Variants in PSMA1 observed in about 807,000 individuals in gnomAD.
PSMA1 encodes the protein proteasome 20S subunit alpha 1.
Under a neutral mutation model 38.4 loss-of-function variants are expected in PSMA1, and 3 were observed. The observed-to-expected ratio is 0.08, with a 90% CI of 0.04 to 0.20. The LOEUF is 0.20. Among genes scored for constraint, PSMA1 ranks in the 10% least tolerant of loss-of-function variants. PSMA1 has a pLI of 1.00. For synonymous variants in PSMA1, 101 were observed against 107.1 expected (o/e 0.94, Z 0.35); for missense variants, 227 against 325.3 (o/e 0.70, Z 2.32).
At chr11:14,529,347 A>G (rs1265395664) in intron 2 of PSMA1, among the ~76,000 whole-genome samples, 1 of 152,226 alleles carries the variant, frequency 6.6e-6, no homozygotes, top group Non-Finnish European at 1.5e-5. Flanking sequence ...ATGTTAAAAC[A>G]CACCTGGTGG....
intron 2 of PSMA1, among the ~76,000 whole-genome samples, chr11:14,530,757 C>T (rs1851638362): frequency 6.6e-6 from 1 of 151,946 alleles, no homozygotes; most frequent in Non-Finnish European, 1.5e-5. Context: ...CAAAAATTGG[C>T]CAGGTGCGGT....
intron 2 of PSMA1, among the ~76,000 whole-genome samples, chr11:14,584,122 T>C (rs1363752207): frequency 6.6e-6 from 1 of 152,208 alleles, no homozygotes; most frequent in African/African-American, 2.4e-5. Flanking sequence ...AATGTTAATA[T>C]ACCTTACAAC....
chr11:14,562,680 AG>A (rs989829783), intron 2 of PSMA1, among the ~76,000 whole-genome samples: 2 of 149,850 alleles, frequency 1.3e-5, no homozygotes, highest in African/African-American at 2.5e-5. Flanking sequence ...GCTGGAGTGC[AG>A]GGGCATGATC....
intron 2 of PSMA1, among the ~76,000 whole-genome samples, chr11:14,561,038 A>G (rs752241648): frequency 2.0e-5 from 3 of 152,250 alleles, no homozygotes; most frequent in African/African-American, 4.8e-5. Flanking sequence ...CTTTTCATGT[A>G]TATGAATATT....
intron 2 of PSMA1, among the ~76,000 whole-genome samples, chr11:14,607,968 G>A (rs1280236052): frequency 6.6e-6 from 1 of 152,166 alleles, no homozygotes; most frequent in Non-Finnish European, 1.5e-5. Flanking sequence ...GGAAGTGTGA[G>A]CAGTGGATTT....
At chr11:14,592,391 TA>T (rs1385231722) in intron 2 of PSMA1, among the ~76,000 whole-genome samples, 10 of 144,800 alleles carry the variant, frequency 6.9e-5, no homozygotes, top group African/African-American at 2.4e-4. Flanking sequence ...TATATATATA[TA>T]TATTTTTTTT....
At chr11:14,574,286 AT>A (rs775072814) in intron 2 of PSMA1, among the ~76,000 whole-genome samples, 55 of 152,258 alleles carry the variant, frequency 3.6e-4, no homozygotes, top group Non-Finnish European at 7.6e-4. Flanking sequence ...GGGAAAAATG[AT>A]TTTGTGGGTC....
intron 2 of PSMA1, among the ~76,000 whole-genome samples, chr11:14,602,462 A>C (rs1852594174): frequency 6.6e-6 from 1 of 152,038 alleles, no homozygotes; most frequent in South Asian, 2.1e-4. Flanking sequence ...AGACTTCCAG[A>C]GGTATGAAAA....
At chr11:14,630,969 T>C (rs1565063371) in intron 1 of PSMA1, among the ~76,000 whole-genome samples, 1 of 152,226 alleles carries the variant, frequency 6.6e-6, no homozygotes, top group Non-Finnish European at 1.5e-5. Flanking sequence ...GTTTGTAGTA[T>C]TCCCTGAAGG....
intron 2 of PSMA1, among the ~76,000 whole-genome samples, chr11:14,539,836 G>T (rs1266775706): frequency 6.6e-6 from 1 of 150,892 alleles, no homozygotes; most frequent in Admixed American, 6.6e-5. Context: ...GTGACAGAGC[G>T]AGACTCCGTC....
At chr11:14,519,623 G>A (rs1851493117) in intron 1 of PSMA1, among the ~76,000 whole-genome samples, 1 of 152,126 alleles carries the variant, frequency 6.6e-6, no homozygotes, top group South Asian at 2.1e-4. Context: ...AGTTAGAGGT[G>A]GACACAAATA....
At chr11:14,570,737 C>G (rs1359420059) in intron 2 of PSMA1, among the ~76,000 whole-genome samples, 1 of 152,204 alleles carries the variant, frequency 6.6e-6, no homozygotes, top group Non-Finnish European at 1.5e-5. Flanking sequence ...ATTGGTGTAC[C>G]TGAAAATGAC....
At chr11:14,611,354 A>G (rs1318615913) in intron 1 of PSMA1, among the ~76,000 whole-genome samples, 5 of 152,220 alleles carry the variant, frequency 3.3e-5, no homozygotes. Context: ...CCAGGAAAGT[A>G]TATAAAATAC....
intron 1 of PSMA1, among the ~76,000 whole-genome samples, chr11:14,622,657 C>G (rs770677597): frequency 1.3e-5 from 2 of 152,164 alleles, no homozygotes; most frequent in Non-Finnish European, 2.9e-5. Context: ...AATGAAGTGG[C>G]TGGTAGGCCT....
At chr11:14,628,990 C>T (rs1177437993) in intron 1 of PSMA1, among the ~76,000 whole-genome samples, 1 of 151,288 alleles carries the variant, frequency 6.6e-6, no homozygotes, top group Non-Finnish European at 1.5e-5. Context: ...TGTTCATGTC[C>T]TTCGCCCACT....
intron 1 of PSMA1, among the ~76,000 whole-genome samples, chr11:14,633,107 T>C (rs1853052445): frequency 1.3e-5 from 2 of 152,172 alleles, no homozygotes; most frequent in South Asian, 2.1e-4. Flanking sequence ...TCAGAGTAAT[T>C]TGATCATCTG....
chr11:14,569,777 T>A (rs899870564), intron 2 of PSMA1, among the ~76,000 whole-genome samples: 17 of 152,238 alleles, frequency 1.1e-4, no homozygotes, highest in African/African-American at 3.9e-4. Context: ...ACTCCATCTC[T>A]GGAGGCGGGG....
intron 2 of PSMA1, among the ~76,000 whole-genome samples, chr11:14,583,099 G>A (rs1192253334): frequency 6.6e-6 from 1 of 152,126 alleles, no homozygotes; most frequent in Non-Finnish European, 1.5e-5. Flanking sequence ...GGGACCATTG[G>A]CCCCAGGAGC....
intron 2 of PSMA1, among the ~76,000 whole-genome samples, chr11:14,582,234 A>G (rs1852289516): frequency 6.6e-6 from 1 of 152,228 alleles, no homozygotes; most frequent in African/African-American, 2.4e-5. Flanking sequence ...ATCCCAACAA[A>G]TTATTGAACT....
Sources: gnomAD v4.1 joint callset for allele counts (sites outside exome capture counted in the v4.1 genomes callset) on GRCh38, gnomAD v4.1.1 for gene constraint, MANE v1.5 for transcripts, NCBI Gene and HGNC (gene_info 2026-07-23, HGNC 2026-07-21) for gene names.